CFH: variants seen among roughly 807,000 people sequenced by gnomAD.
The protein encoded by CFH is H factor 1 (complement).
A neutral mutation model predicts 147.3 loss-of-function variants in CFH; 53 were observed. That is an observed-to-expected ratio of 0.36 (90% CI 0.29 to 0.45). The LOEUF is 0.45. CFH is among the 20% of genes least tolerant of loss of function. The pLI is 1.00. For missense variants in CFH, 1,380 were observed against 1,498.0 expected (o/e 0.92, Z 1.30); for synonymous variants, 536 against 489.4 (o/e 1.10, Z -1.26).
intron 1 of CFH, among the ~76,000 whole-genome samples, chr1:196,655,405 T>C (rs575266211): frequency 6.6e-6 from 1 of 152,356 alleles, no homozygotes; most frequent in Non-Finnish European, 1.5e-5. Flanking sequence ...ATCCTGGGAA[T>C]GCATATGCTA....
chr1:196,693,039 T>C (rs778751369), intron 9 of CFH, among the ~76,000 whole-genome samples: 4 of 151,906 alleles, frequency 2.6e-5, no homozygotes, highest in Admixed American at 1.3e-4. Context: ...TTAGCTACTT[T>C]ACGGTTGTCA....
At chr1:196,694,943 A>G (rs569355098) in intron 9 of CFH, among the ~76,000 whole-genome samples, 2 of 152,240 alleles carry the variant, frequency 1.3e-5, no homozygotes, top group South Asian at 4.1e-4. Context: ...ATTTTCTCCC[A>G]TTCTGTAGAT....
intron 1 of CFH, 33 bp from the exon 2 acceptor site, chr1:196,672,945 T>C: frequency 6.4e-7 from 1 of 1,571,664 alleles, no homozygotes; most frequent in Non-Finnish European, 8.7e-7. Flanking sequence ...AAATAGACAC[T>C]TTATGCACTT....
chr1:196,745,420 GTAT>G (rs1652965811), intron 20 of CFH, among the ~76,000 whole-genome samples: 1 of 152,006 alleles, frequency 6.6e-6, no homozygotes, highest in Non-Finnish European at 1.5e-5. Flanking sequence ...AGCTCCCCAT[GTAT>G]TATTAAGTAT....
intron 6 of CFH, among the ~76,000 whole-genome samples, chr1:196,683,122 C>T (rs1667710545): frequency 1.3e-5 from 2 of 149,870 alleles, no homozygotes; most frequent in Admixed American, 1.3e-4. Flanking sequence ...AGAGGAGAAG[C>T]AAAAAATATA....
At chr1:196,669,735 A>G (rs1433106529) in intron 1 of CFH, among the ~76,000 whole-genome samples, 1 of 152,244 alleles carries the variant, frequency 6.6e-6, no homozygotes, top group Non-Finnish European at 1.5e-5. Flanking sequence ...TAGGGCAATG[A>G]GCAAGGGAAA....
At chr1:196,744,105 A>G (rs1652916891) in intron 20 of CFH, among the ~76,000 whole-genome samples, 2 of 152,174 alleles carry the variant, frequency 1.3e-5, no homozygotes, top group Admixed American at 6.5e-5. Flanking sequence ...TAAAGAGATG[A>G]AATAAGGGAA....
rs768578437 is a variant in CFH, at chr1:196,728,430, A to T, written c.2321A>T (p.Asn774Ile). ...AAAAACAAGAAGGAATTCGATCATA[A>T]TTCTAACATAAGGTACAGATGTAGA... ...HLKNKKEFDH[N>I]SNIRYRCRGK... The change falls in exon 15 of 22, where the codon AAT becomes ATT. Residue 774 changes from asparagine (N) to isoleucine (I), a missense_variant. By Grantham distance (149) the Asn-to-Ile change is moderately radical. Transcript: ENST00000367429. The T allele has an allele frequency of 6.2e-7, 1 of 1,610,862 alleles. No homozygotes were observed. Among genetic ancestry groups the T allele is most frequent in the Non-Finnish European group, 8.5e-7 (1 of 1,177,936 alleles).
At chr1:196,737,778 T>G in intron 17 of CFH, 118 bp downstream of exon 17, 1 of 707,950 alleles carries the variant, frequency 1.4e-6, no homozygotes, top group Admixed American at 2.9e-5. Flanking sequence ...ATTTATATAT[T>G]ATACCATTAA....
In CFH at chr1:196,747,329, G is replaced by A; in HGVS notation, c.*16G>A. The A allele has an allele frequency of 6.2e-7, 1 of 1,613,920 alleles. No homozygotes were observed. Among genetic ancestry groups the A allele is most frequent in the Non-Finnish European group, 8.5e-7 (1 of 1,179,888 alleles). On this transcript the variant is annotated 3_prime_UTR_variant, in exon 22 of 22. Coordinates refer to ENST00000367429, the MANE Select transcript of CFH (RefSeq NM_000186.4). Reference sequence around the variant, plus strand: ...AAAAAGATAGAATCAATCATAAAGTGCACACCTTTATTCAGAACTTTAGTA... The same window carrying A: ...AAAAAGATAGAATCAATCATAAAGTACACACCTTTATTCAGAACTTTAGTA...
At chr1:196,678,148 C>T in intron 5 of CFH, 1 of 164,340 alleles carries the variant, frequency 6.1e-6, no homozygotes, top group Admixed American at 5.8e-5. Context: ...GAATGACATT[C>T]GTTTTTGAAT....
chr1:196,713,280 C>A (rs1465800137), intron 9 of CFH, among the ~76,000 whole-genome samples: 1 of 152,128 alleles, frequency 6.6e-6, no homozygotes, highest in African/African-American at 2.4e-5. Context: ...ATTTCAAATT[C>A]TTGGAGCCAA....
intron 1 of CFH, among the ~76,000 whole-genome samples, chr1:196,667,937 GA>G (rs2149074370): frequency 6.6e-6 from 1 of 152,156 alleles, no homozygotes; most frequent in South Asian, 2.1e-4. Context: ...AGACTATGGG[GA>G]AAACATCACA....
chr1:196,743,045 T>C (rs939678748), intron 19 of CFH, among the ~76,000 whole-genome samples: 5 of 152,150 alleles, frequency 3.3e-5, no homozygotes, highest in African/African-American at 1.2e-4. Context: ...AGCAGGATGA[T>C]TGCAAACAAA....
intron 9 of CFH, among the ~76,000 whole-genome samples, chr1:196,695,827 G>T (rs1668243926): frequency 6.6e-6 from 1 of 152,094 alleles, no homozygotes; most frequent in South Asian, 2.1e-4. Flanking sequence ...GTATAGGAAT[G>T]CTTGTGATTT....
chr1:196,663,056 A>G (rs1029986970), intron 1 of CFH, among the ~76,000 whole-genome samples: 9 of 152,222 alleles, frequency 5.9e-5, no homozygotes, highest in African/African-American at 2.2e-4. Flanking sequence ...TTTTAAATTA[A>G]TATTTTTCTC....
At chr1:196,693,228 T>C (rs1668127332) in intron 9 of CFH, among the ~76,000 whole-genome samples, 1 of 152,100 alleles carries the variant, frequency 6.6e-6, no homozygotes, top group African/African-American at 2.4e-5. Flanking sequence ...ACAGTAGATA[T>C]ATATTGGAGT....
intron 1 of CFH, among the ~76,000 whole-genome samples, chr1:196,671,475 A>T (rs1313106241): frequency 1.3e-5 from 2 of 151,880 alleles, no homozygotes; most frequent in African/African-American, 4.8e-5. Flanking sequence ...GGACCTGGGT[A>T]ACACTTTTAG....
At chr1:196,701,172 C>G in intron 9 of CFH, 1 of 1,058,706 alleles carries the variant, frequency 9.4e-7, no homozygotes, top group East Asian at 2.4e-5. Flanking sequence ...GAGGGGATCC[C>G]TGAAGAAATT....
Sources: gnomAD v4.1 joint callset for allele counts (sites outside exome capture counted in the v4.1 genomes callset) on GRCh38, gnomAD v4.1.1 for gene constraint, MANE v1.5 for transcripts, NCBI Gene and HGNC (gene_info 2026-07-23, HGNC 2026-07-21) for gene names.